C5orf34: variants seen among roughly 807,000 people sequenced by gnomAD.
C5orf34 encodes the protein chromosome 5 open reading frame 34, also known as uncharacterized protein C5orf34.
A neutral mutation model predicts 78.4 loss-of-function variants in C5orf34; 73 were observed. That is an observed-to-expected ratio of 0.93 (90% CI 0.77 to 1.13). The LOEUF (loss-of-function observed/expected upper bound fraction) is 1.13. Among genes scored for constraint, C5orf34 ranks in the 50% most tolerant of loss-of-function variants. C5orf34 has a pLI of 0.00. For missense variants in C5orf34, 730 were observed against 732.7 expected, an observed-to-expected ratio of 1.00 and a Z score of 0.04; for synonymous variants, 251 against 246.6, an observed-to-expected ratio of 1.02 and a Z score of -0.17.
At chr5:43,511,443 C>T (rs1352921213) in intron 1 of C5orf34, 1 of 157,924 alleles carries the variant, frequency 6.3e-6, no homozygotes, top group Non-Finnish European at 1.3e-5. Flanking sequence ...GCCGCCCCAA[C>T]CGGGAGGTGG....
intron 6 of C5orf34, chr5:43,495,981 G>C: frequency 1.3e-6 from 2 of 1,590,882 alleles, no homozygotes; most frequent in Non-Finnish European, 1.7e-6. Context: ...CTGTAGGGTG[G>C]CTCAGTGGAA....
intron 10 of C5orf34, 106 bp downstream of exon 10, chr5:43,492,109 A>G (rs1745309831): frequency 2.7e-6 from 2 of 733,562 alleles, no homozygotes; most frequent in East Asian, 2.9e-5. Flanking sequence ...TATTATCCAC[A>G]TGGAAAAACT....
intron 5 of C5orf34, among the ~76,000 whole-genome samples, chr5:43,502,744 A>G (rs1037531441): frequency 6.6e-6 from 1 of 152,238 alleles, no homozygotes; most frequent in Admixed American, 6.5e-5. Flanking sequence ...GAATTCAGGC[A>G]TCTTGTCTTA....
Position 43,503,496 on chromosome 5 carries a change from TAAC to T in C5orf34, c.1028+166_1028+168del, listed in dbSNP as rs1745848535. The stretch of plus-strand genomic sequence containing the variant: ...GTCACAGGACCCTTGTGTGCACTAA[TAAC>T]ATTAGTTTTGAGACCTGTAAAACTC... On this transcript the variant is annotated intron_variant, in intron 5 of 12. Coordinates refer to ENST00000306862, the MANE Select transcript of C5orf34 (RefSeq NM_198566.4). Among the ~76,000 whole-genome samples, 6 of 152,294 alleles carry T rather than the reference TAAC, an allele frequency of 3.9e-5. No individual in the cohort carries two copies. In the South Asian group the frequency reaches 1.2e-3, roughly 32 times the overall value.
intron 6 of C5orf34, 123 bp from the exon 7 acceptor site, chr5:43,494,724 A>T: frequency 1.9e-6 from 1 of 523,266 alleles, no homozygotes; most frequent in Non-Finnish European, 3.3e-6. Flanking sequence ...TTAACAAAAT[A>T]AAGCCCACAA....
rs1745505137 is a variant in C5orf34, at chr5:43,496,095, C to CA, written c.1153-1495_1153-1494insT. The CA allele has an allele frequency of 2.0e-6, 3 of 1,506,788 alleles. No homozygotes were observed. The Admixed American group carries it at 5.2e-5, about 26-fold the overall frequency. 93.3% of individuals were successfully genotyped at this position (1,506,788 alleles called of 1,614,324 possible). On this transcript the variant is annotated intron_variant, in intron 6 of 12. Coordinates refer to ENST00000306862, the MANE Select transcript of C5orf34 (RefSeq NM_198566.4). ...TTCTTGGAGATACCAGTTTCAAATT[C>CA]GCCAACACCAGCAGCAACCATCAGG...
In C5orf34 at chr5:43,492,749, T is replaced by C; in HGVS notation, c.1456A>G (p.Asn486Asp). The C allele has an allele frequency of 6.2e-7, 1 of 1,612,782 alleles. No homozygotes were observed. Among genetic ancestry groups the C allele is most frequent in the South Asian group, 1.1e-5 (1 of 90,942 alleles). Residue 486 changes from asparagine (N) to aspartate (D), a missense_variant, in exon 9 of 13, where the codon AAT (asparagine) becomes GAT (aspartate). Coordinates refer to ENST00000306862, the MANE Select transcript of C5orf34 (RefSeq NM_198566.4). ...LDGITLTLNW[N>D]FSSPIEKRQV... ...CTCTTCTCAATAGGAGAGCTGAAAT[T>C]CCAATTTAGGGTTAGAGTAATGCCA... is the stretch of plus-strand genomic sequence containing the variant.
At chr5:43,505,705 T>C in intron 4 of C5orf34, 43 bp downstream of exon 4, 2 of 1,499,028 alleles carry the variant, frequency 1.3e-6, no homozygotes, top group Non-Finnish European at 1.8e-6. Flanking sequence ...TTAAGACTGG[T>C]TCTGATAAAA....
At chr5:43,497,369 T>C (rs1374809168) in intron 6 of C5orf34, among the ~76,000 whole-genome samples, 2 of 152,240 alleles carry the variant, frequency 1.3e-5, no homozygotes, top group Non-Finnish European at 1.5e-5. Context: ...GATTATCTCA[T>C]TTATTCCTCA....
chr5:43,509,134 T>G lies in C5orf34; in HGVS notation c.195+11A>C, dbSNP rs1746112905. On this transcript the variant is annotated intron_variant, in intron 2 of 12. Transcript: ENST00000306862. ...AAACAAAAAAGTTGTTTACGTGATA[T>G]CTTTACTTACTCTGTAAGTGCTAAT... is the stretch of plus-strand genomic sequence containing the variant. 1 of 1,604,578 alleles carries G rather than the reference T, an allele frequency of 6.2e-7. No individual in the cohort carries two copies.
chr5:43,510,588 G>A (rs576046436), intron 1 of C5orf34, among the ~76,000 whole-genome samples: 328 of 152,318 alleles, frequency 2.2e-3, no homozygotes, highest in African/African-American at 7.5e-3. Context: ...TTGCAGGCGC[G>A]CGCTGCCACG....
chr5:43,490,595 C>T (rs1434316621), intron 11 of C5orf34, 36 bp downstream of exon 11: 2 of 1,293,850 alleles, frequency 1.5e-6, no homozygotes, highest in Non-Finnish European at 2.2e-6. Flanking sequence ...AAAGTATTAG[C>T]TCTTCTAAAC....
At chr5:43,489,440 A>G (rs946557265) in intron 11 of C5orf34, among the ~76,000 whole-genome samples, 2 of 152,146 alleles carry the variant, frequency 1.3e-5, no homozygotes, top group African/African-American at 2.4e-5. Flanking sequence ...TTTAGCTACT[A>G]TCACCAATCT....
intron 1 of C5orf34, among the ~76,000 whole-genome samples, chr5:43,509,760 T>C (rs1381549200): frequency 1.3e-5 from 2 of 152,184 alleles, no homozygotes; most frequent in South Asian, 4.1e-4. Flanking sequence ...TTTTTGTTTT[T>C]TTTGTTTTTT....
intron 3 of C5orf34, among the ~76,000 whole-genome samples, chr5:43,507,775 T>C (rs1051494757): frequency 2.0e-5 from 3 of 152,192 alleles, no homozygotes; most frequent in Non-Finnish European, 4.4e-5. Context: ...CATAATTTCC[T>C]TGCCTATAAA....
chr5:43,494,694 TGACAA>T lies in C5orf34; in HGVS notation c.1153-98_1153-94del, dbSNP rs564902697. On this transcript the variant is annotated intron_variant, in intron 6 of 12. Coordinates refer to ENST00000306862, the MANE Select transcript of C5orf34 (RefSeq NM_198566.4). ...TCCTTGAAATATGTTTTTACAATAGTGACAAGACGAGTAGTTATTTTAACAAAATA... is the reference window on the plus strand; with the variant it reads ...TCCTTGAAATATGTTTTTACAATAGTGACGAGTAGTTATTTTAACAAAATA... The T allele has an allele frequency of 1.4e-4, 89 of 625,314 alleles. No individual in the cohort carries two copies. In the African/African-American group the frequency reaches 1.5e-3, roughly 11 times the overall value. The allele number at this position is 625,314 out of a possible 1,614,324, so 38.7% of individuals were successfully genotyped here.
chr5:43,487,448 G>A (rs910113377), intron 12 of C5orf34, among the ~76,000 whole-genome samples: 1 of 152,094 alleles, frequency 6.6e-6, no homozygotes, highest in Admixed American at 6.6e-5. Flanking sequence ...AGGAATCTGT[G>A]TAGTGTCTAT....
At chr5:43,500,217 T>A (rs1013285858) in intron 6 of C5orf34, among the ~76,000 whole-genome samples, 1 of 152,208 alleles carries the variant, frequency 6.6e-6, no homozygotes, top group Non-Finnish European at 1.5e-5. Context: ...GTTGAATATG[T>A]TTTCAAATAT....
At chr5:43,512,930 G>A (rs1442290309) in intron 1 of C5orf34, among the ~76,000 whole-genome samples, 2 of 151,804 alleles carry the variant, frequency 1.3e-5, no homozygotes, top group East Asian at 3.9e-4. Flanking sequence ...CTACAGGTGC[G>A]TGCCACCACG....
Sources: allele counts gnomAD v4.1 joint callset (sites outside exome capture counted in the v4.1 genomes callset), GRCh38; gene constraint gnomAD v4.1.1; transcripts MANE v1.5; gene names NCBI Gene and HGNC (gene_info 2026-07-23, HGNC 2026-07-21).